The following ARL15 variants were observed in gnomAD, a reference collection of about 807,000 sequenced individuals.
ARL15 encodes the protein ARF like GTPase 15, also known as ADP-ribosylation factor-like protein 15.
ARL15 carries 19 observed loss-of-function variants against 25.2 expected under a neutral mutation model. The observed-to-expected ratio is 0.75, with a 90% CI of 0.53 to 1.10. The LOEUF (loss-of-function observed/expected upper bound fraction) is 1.10, where lower values mean the gene tolerates loss of function less well. Ranked by LOEUF, ARL15 falls within the 50% of genes least tolerant of loss-of-function variation. The pLI is 0.00. For missense variants in ARL15, 220 were observed against 246.0 expected (o/e 0.89, Z 0.71); for synonymous variants, 94 against 86.8 (o/e 1.08, Z -0.46).
rs1171369744 is a variant in ARL15, at chr5:54,114,406, GAA to G, written c.254-998_254-997del. Among the ~76,000 whole-genome samples, 20 of 74,468 alleles carry G rather than the reference GAA, an allele frequency of 2.7e-4. 2 individuals are homozygous for G. The highest frequency in any genetic ancestry group is 1.6e-3 in the Admixed American group (7 of 4,456). 48.9% of individuals were successfully genotyped at this position (74,468 alleles called of 152,430 possible). ...GCAACACAGCAAGGCTCCATCTCAAGAAAAAAAAAAAAAAAAGCAACACCACA... is the reference window on the plus strand; with the variant it reads ...GCAACACAGCAAGGCTCCATCTCAAGAAAAAAAAAAAAAAGCAACACCACA... On this transcript the variant is annotated intron_variant, in intron 3 of 4. Transcript: ENST00000504924.
At chr5:54,126,378 C>A (rs1389945960) in intron 3 of ARL15, among the ~76,000 whole-genome samples, 1 of 152,150 alleles carries the variant, frequency 6.6e-6, no homozygotes, top group East Asian at 1.9e-4. Flanking sequence ...TCTTGAATTC[C>A]CTGTCAGACT....
chr5:54,021,045 A>G (rs1049918866), intron 4 of ARL15, among the ~76,000 whole-genome samples: 1 of 152,164 alleles, frequency 6.6e-6, no homozygotes, highest in African/African-American at 2.4e-5. Flanking sequence ...CATCATAAAA[A>G]TGGTTTAGGG....
chr5:54,145,082 AT>A (rs201466215), intron 3 of ARL15, among the ~76,000 whole-genome samples: 352 of 151,686 alleles, frequency 2.3e-3, no homozygotes, highest in African/African-American at 8.2e-3. Context: ...TTTTCTTACC[AT>A]TTTTTTCATA....
chr5:54,142,920 T>C (rs1341844878), intron 3 of ARL15, among the ~76,000 whole-genome samples: 2 of 152,218 alleles, frequency 1.3e-5, no homozygotes, highest in African/African-American at 4.8e-5. Flanking sequence ...TGGATCCATT[T>C]TGATTCATGA....
chr5:54,179,564 C>A (rs747982444), intron 1 of ARL15, among the ~76,000 whole-genome samples: 1 of 152,088 alleles, frequency 6.6e-6, no homozygotes, highest in Non-Finnish European at 1.5e-5. Context: ...CCTTAAGATT[C>A]TTGCCCTGCT....
chr5:53,899,347 CAAAAAAAAAAAAAAAAAAAAAAAAAAA>C (rs59145507), intron 4 of ARL15, among the ~76,000 whole-genome samples: 12 of 89,376 alleles, frequency 1.3e-4, no homozygotes, highest in Admixed American at 2.8e-4. Flanking sequence ...GACTCTATCC[CAAAAAAAAAAAAAAAAAAAAAAAAAAA>C]AAAAAAAAAA....
At chr5:54,235,012 T>A (rs1003676538) in intron 1 of ARL15, among the ~76,000 whole-genome samples, 6 of 152,210 alleles carry the variant, frequency 3.9e-5, no homozygotes, top group African/African-American at 7.2e-5. Flanking sequence ...ATGAATTGAT[T>A]ATACATCGGC....
At chr5:54,093,691 T>TA (rs11450435) in intron 4 of ARL15, among the ~76,000 whole-genome samples, 67,190 of 142,438 alleles carry the variant, frequency 0.47, 15,436 homozygotes, top group Middle Eastern at 0.52. Flanking sequence ...CATTTAAAGT[T>TA]AAAAAAAAAA....
At position 54,131,795 on chromosome 5, in the gene ARL15, C is replaced by T. The variant is rs948069770; in HGVS notation, c.254-18385G>A. 3.3e-5 allele frequency among the ~76,000 whole-genome samples: 5 copies of T among 151,792 alleles called. 1 individual carries two copies. Among genetic ancestry groups the T allele is most frequent in the African/African-American group, 1.2e-4 (5 of 41,290 alleles). Reference sequence around the variant, plus strand: ...TTTTTAAAATTCTAGCCCAGCTACTCGGGAGGCTGAGGCAGGAGAATGGCG... The same window carrying T: ...TTTTTAAAATTCTAGCCCAGCTACTTGGGAGGCTGAGGCAGGAGAATGGCG... On this transcript the variant is annotated intron_variant, in intron 3 of 4. Coordinates refer to ENST00000504924, the MANE Select transcript of ARL15 (RefSeq NM_019087.3).
chr5:54,268,862 A>G (rs1252078958), intron 1 of ARL15, among the ~76,000 whole-genome samples: 1 of 152,222 alleles, frequency 6.6e-6, no homozygotes, highest in Non-Finnish European at 1.5e-5. Flanking sequence ...AAAATGTGGC[A>G]CATATATACC....
intron 2 of ARL15, among the ~76,000 whole-genome samples, chr5:54,158,645 C>T (rs1262331358): frequency 2.0e-5 from 3 of 152,112 alleles, no homozygotes; most frequent in African/African-American, 4.8e-5. Context: ...GAGGCCGAGG[C>T]GGGTGGATCA....
chr5:54,199,135 C>T (rs1755641158), intron 1 of ARL15, among the ~76,000 whole-genome samples: 2 of 152,092 alleles, frequency 1.3e-5, no homozygotes, highest in Non-Finnish European at 2.9e-5. Context: ...ACATCTTATA[C>T]AAAAATCAAT....
intron 2 of ARL15, among the ~76,000 whole-genome samples, chr5:54,157,945 A>G (rs1323881656): frequency 1.3e-5 from 2 of 152,226 alleles, no homozygotes; most frequent in Non-Finnish European, 2.9e-5. Flanking sequence ...CAGAAGAGAA[A>G]CAATGTTTTT....
chr5:54,249,383 G>C (rs1579950793), intron 1 of ARL15, among the ~76,000 whole-genome samples: 1 of 152,176 alleles, frequency 6.6e-6, no homozygotes, highest in South Asian at 2.1e-4. Flanking sequence ...AAATAGAGCA[G>C]AGAAGGTATT....
At chr5:54,142,420 T>C (rs1412987334) in intron 3 of ARL15, among the ~76,000 whole-genome samples, 2 of 152,092 alleles carry the variant, frequency 1.3e-5, no homozygotes, top group East Asian at 3.9e-4. Context: ...GTAATTCCTA[T>C]CTCATTGGTA....
intron 1 of ARL15, among the ~76,000 whole-genome samples, chr5:54,256,827 C>T (rs10041550): frequency 0.14 from 20,855 of 151,962 alleles, 2,509 homozygotes; most frequent in African/African-American, 0.32. Flanking sequence ...ATAAACAGAG[C>T]TGTAAAAAAA....
At chr5:54,168,537 T>C (rs1754639712) in intron 2 of ARL15, among the ~76,000 whole-genome samples, 1 of 152,110 alleles carries the variant, frequency 6.6e-6, no homozygotes, top group African/African-American at 2.4e-5. Context: ...ACAAGTATTG[T>C]CCCTGCTGGA....
intron 4 of ARL15, among the ~76,000 whole-genome samples, chr5:54,027,635 A>C (rs1749820594): frequency 6.6e-6 from 1 of 151,970 alleles, no homozygotes; most frequent in African/African-American, 2.4e-5. Flanking sequence ...GTTTTGTTTC[A>C]TTTTTACTTT....
intron 4 of ARL15, among the ~76,000 whole-genome samples, chr5:54,040,047 G>A (rs1284665383): frequency 6.6e-6 from 1 of 152,100 alleles, no homozygotes; most frequent in Non-Finnish European, 1.5e-5. Flanking sequence ...CATTTGACAA[G>A]CATCAGCTTT....
Sources: gnomAD v4.1 joint callset for allele counts (sites outside exome capture counted in the v4.1 genomes callset) on GRCh38, gnomAD v4.1.1 for gene constraint, MANE v1.5 for transcripts, NCBI Gene and HGNC (gene_info 2026-07-23, HGNC 2026-07-21) for gene names.